ME3: variants seen among roughly 807,000 people sequenced by gnomAD.
The protein encoded by ME3 is NADP-dependent malic enzyme, mitochondrial.
ME3 carries 48 observed loss-of-function variants against 68.9 expected under a neutral mutation model. The ratio of observed to expected loss-of-function variants is 0.70; its 90% CI spans 0.55 to 0.89. The LOEUF (loss-of-function observed/expected upper bound fraction) is 0.89, where lower values mean the gene tolerates loss of function less well. Among genes scored for constraint, ME3 ranks in the 40% least tolerant of loss-of-function variants. The probability of loss-of-function intolerance (pLI) is 0.00; values close to 1 mark genes in which losing one functional copy is unlikely to be tolerated. For synonymous variants in ME3, 320 were observed against 318.8 expected (o/e 1.00, Z -0.04); for missense variants, 675 against 797.4 (o/e 0.85, Z 1.85).
At chr11:86,524,828 A>C (rs905195250) in intron 4 of ME3, among the ~76,000 whole-genome samples, 6 of 152,230 alleles carry the variant, frequency 3.9e-5, no homozygotes, top group African/African-American at 1.4e-4. Flanking sequence ...TATATGTCTG[A>C]AAGGATTACT....
intron 2 of ME3, among the ~76,000 whole-genome samples, chr11:86,640,925 CA>C (rs1174853930): frequency 1.1e-4 from 17 of 151,984 alleles, no homozygotes; most frequent in Non-Finnish European, 1.9e-4. Flanking sequence ...CCCATCTCCC[CA>C]GAGGGAAAGA....
chr11:86,544,387 A>G (rs1322194029), intron 4 of ME3, among the ~76,000 whole-genome samples: 3 of 152,192 alleles, frequency 2.0e-5, no homozygotes, highest in African/African-American at 7.2e-5. Flanking sequence ...GAAAAGATTA[A>G]CAAAACAGAT....
chr11:86,514,400 T>G (rs1953746245), intron 4 of ME3, among the ~76,000 whole-genome samples: 1 of 152,138 alleles, frequency 6.6e-6, no homozygotes, highest in Admixed American at 6.5e-5. Flanking sequence ...AATATTTAGG[T>G]GCCTCAGGAG....
intron 4 of ME3, among the ~76,000 whole-genome samples, chr11:86,520,043 C>A (rs903682501): frequency 6.6e-6 from 1 of 152,232 alleles, no homozygotes; most frequent in African/African-American, 2.4e-5. Flanking sequence ...ACCCACTGAA[C>A]AACCATAGCT....
chr11:86,507,441 C>T (rs1444061428), intron 5 of ME3, among the ~76,000 whole-genome samples: 1 of 152,178 alleles, frequency 6.6e-6, no homozygotes, highest in African/African-American at 2.4e-5. Context: ...GAGCATTGGC[C>T]TTGGAAGTTC....
At chr11:86,529,933 G>T (rs566248499) in intron 4 of ME3, among the ~76,000 whole-genome samples, 1 of 152,262 alleles carries the variant, frequency 6.6e-6, no homozygotes, top group African/African-American at 2.4e-5. Context: ...CATTCCCTTT[G>T]AAAACTGGCA....
At chr11:86,643,633 C>G (rs926913523) in intron 2 of ME3, among the ~76,000 whole-genome samples, 1 of 152,108 alleles carries the variant, frequency 6.6e-6, no homozygotes, top group Non-Finnish European at 1.5e-5. Flanking sequence ...CCCATGAATG[C>G]AAAACTTGGA....
intron 4 of ME3, among the ~76,000 whole-genome samples, chr11:86,540,390 C>G (rs906280393): frequency 6.6e-6 from 1 of 152,150 alleles, no homozygotes; most frequent in East Asian, 1.9e-4. Flanking sequence ...TATGTAAGCC[C>G]CATGTCTTGA....
chr11:86,464,850 A>G (rs1167589864), intron 8 of ME3, among the ~76,000 whole-genome samples: 2 of 152,272 alleles, frequency 1.3e-5, no homozygotes, highest in African/African-American at 2.4e-5. Context: ...ATTAAATCAC[A>G]TAATTCTTAC....
rs116952932 is a variant in ME3 at position 86,565,915 on chromosome 11, G to T, written c.184-6092C>A. ...CAATGTTTGCTGGAAGAAGTTGCAGGAACTGTTCTCATAAGAGACACTGTG... is the reference window on the plus strand; with the variant it reads ...CAATGTTTGCTGGAAGAAGTTGCAGTAACTGTTCTCATAAGAGACACTGTG... On this transcript the variant is annotated intron_variant, in intron 2 of 14. Transcript: ENST00000543262. 9.7e-4 allele frequency among the ~76,000 whole-genome samples: 147 copies of T among 152,314 alleles called. 1 individual carries two copies. In the East Asian group the frequency reaches 0.025, roughly 26 times the overall value.
intron 4 of ME3, among the ~76,000 whole-genome samples, chr11:86,539,536 A>G (rs1415494110): frequency 1.3e-5 from 2 of 152,194 alleles, no homozygotes; most frequent in Non-Finnish European, 2.9e-5. Context: ...GTGGCCAACC[A>G]CAAAGATGGT....
At chr11:86,669,373 T>C (rs561619374) in intron 2 of ME3, among the ~76,000 whole-genome samples, 2 of 152,330 alleles carry the variant, frequency 1.3e-5, no homozygotes, top group African/African-American at 4.8e-5. Context: ...GTCTGGTTCT[T>C]ACACGGCTGT....
At chr11:86,648,108 T>C (rs538267254) in intron 2 of ME3, among the ~76,000 whole-genome samples, 1 of 152,258 alleles carries the variant, frequency 6.6e-6, no homozygotes, top group South Asian at 2.1e-4. Context: ...AGAAACTCAC[T>C]CCAAACTGCA....
rs531648773 is a variant in ME3 at position 86,628,211 on chromosome 11, C to T, written c.183+43551G>A. Among the ~76,000 whole-genome samples, 8 of 152,304 alleles carry T rather than the reference C, an allele frequency of 5.3e-5. No homozygotes were observed. The South Asian group carries it at 8.3e-4, about 16-fold the overall frequency. On this transcript the variant is annotated intron_variant, in intron 2 of 14. Coordinates refer to ENST00000543262, the Ensembl canonical transcript of ME3. ...GTATGTAGGAGTCAATCCTTTGGCTCGCTCTGTGAATAACAGTCAGTGTGG... is the reference window on the plus strand; with the variant it reads ...GTATGTAGGAGTCAATCCTTTGGCTTGCTCTGTGAATAACAGTCAGTGTGG...
intron 13 of ME3, among the ~76,000 whole-genome samples, chr11:86,444,993 C>T (rs1393020545): frequency 2.0e-5 from 3 of 152,160 alleles, no homozygotes; most frequent in African/African-American, 7.2e-5. Flanking sequence ...AACTGTCTCA[C>T]AGCACTGGAG....
chr11:86,521,404 CAAACAAAACA>C (rs1226512234), intron 4 of ME3, among the ~76,000 whole-genome samples: 2 of 109,736 alleles, frequency 1.8e-5, no homozygotes. Context: ...CAAAAACAAA[CAAACAAAACA>C]AAACAAAACA....
chr11:86,473,800 G>T (rs1950912335), intron 7 of ME3, among the ~76,000 whole-genome samples: 1 of 152,200 alleles, frequency 6.6e-6, no homozygotes, highest in Non-Finnish European at 1.5e-5. Flanking sequence ...GGATACCGTG[G>T]ATTGGAGAAA....
chr11:86,515,260 G>T (rs944252025), intron 4 of ME3, among the ~76,000 whole-genome samples: 1 of 152,160 alleles, frequency 6.6e-6, no homozygotes, highest in African/African-American at 2.4e-5. Flanking sequence ...TTTATTTAAT[G>T]AGCTTTTTTT....
intron 2 of ME3, chr11:86,622,856 C>T (rs1943431499): frequency 6.6e-6 from 1 of 151,962 alleles, no homozygotes; most frequent in South Asian, 2.1e-4. Context: ...ACCACTCCCC[C>T]TGGAAGCTTG....
Sources: gnomAD v4.1 joint callset for allele counts (sites outside exome capture counted in the v4.1 genomes callset) on GRCh38, gnomAD v4.1.1 for gene constraint, MANE v1.5 for transcripts, NCBI Gene and HGNC (gene_info 2026-07-23, HGNC 2026-07-21) for gene names.